The following TARS1 variants were observed in gnomAD, a reference collection of about 807,000 sequenced individuals.
TARS1 encodes the protein threonine--tRNA ligase 1, cytoplasmic.
In TARS1, 57 loss-of-function variants were observed where a neutral mutation model predicts 97.7. That is an observed-to-expected ratio of 0.58 (90% confidence interval 0.47 to 0.73). The LOEUF (loss-of-function observed/expected upper bound fraction) is 0.73, where lower values mean the gene tolerates loss of function less well. Among genes scored for constraint, TARS1 ranks in the 30% least tolerant of loss-of-function variants. The pLI is 0.00. For missense variants in TARS1, 806 were observed against 888.3 expected (o/e 0.91, Z 1.18); for synonymous variants, 312 against 293.7 (o/e 1.06, Z -0.64).
At chr5:33,457,031 T>A (rs1742049823) in intron 8 of TARS1, among the ~76,000 whole-genome samples, 1 of 152,110 alleles carries the variant, frequency 6.6e-6, no homozygotes, top group African/African-American at 2.4e-5. Flanking sequence ...ACTCCCAGGC[T>A]CAAGCAATCC....
At position 33,461,752 on chromosome 5, in the gene TARS1, C is replaced by CT. The variant is rs765575971; in HGVS notation, c.1629+9dup. The stretch of plus-strand genomic sequence containing the variant: ...GCTTTCTATGGCCCAAAGGTGAGCA[C>CT]TAAAGTACATTTGGGTAATATGATT... On this transcript the variant is annotated intron_variant, in intron 14 of 18. Coordinates refer to ENST00000265112, the MANE Select transcript of TARS1 (RefSeq NM_152295.5). 15 of 1,611,570 alleles carry CT rather than the reference C, an allele frequency of 9.3e-6. No homozygotes were observed. The South Asian group carries it at 1.7e-4, about 18-fold the overall frequency.
intron 16 of TARS1, among the ~76,000 whole-genome samples, chr5:33,462,836 T>C (rs1000121512): frequency 7.9e-5 from 12 of 152,070 alleles, no homozygotes; most frequent in African/African-American, 2.9e-4. Context: ...ATTAATCATA[T>C]TGATTTAAAA....
rs373086054 is a variant in TARS1, at chr5:33,445,335, T to C, written c.69T>C (p.Gly23=). The C allele has an allele frequency of 6.8e-6, 11 of 1,611,852 alleles. No homozygotes were observed. In the African/African-American group the frequency reaches 1.5e-4, roughly 22 times the overall value. The change falls in exon 2 of 19, where the codon GGT becomes GGC. Residue 23 remains glycine, a synonymous_variant. Coordinates refer to ENST00000265112, the MANE Select transcript of TARS1 (RefSeq NM_152295.5). The part of the protein sequence containing the change: ...MGGEEKPIGA[G]EEKQKEGGKK... ...TTTTGCTTATTTAGATTGGTGCTGG[T>C]GAAGAGAAGCAAAAGGAAGGAGGCA...
intron 3 of TARS1, 34 bp from the exon 4 acceptor site, chr5:33,453,255 T>G (rs1016459223): frequency 1.9e-6 from 3 of 1,551,294 alleles, no homozygotes; most frequent in Non-Finnish European, 2.6e-6. Flanking sequence ...TACTTATATA[T>G]GTGTGGACTT....
At chr5:33,466,732 A>G in intron 17 of TARS1, 139 bp from the exon 18 acceptor site, 2 of 512,978 alleles carry the variant, frequency 3.9e-6, no homozygotes, top group Non-Finnish European at 6.9e-6. Context: ...GAATAATATT[A>G]TCTAAGACAG....
chr5:33,452,511 T>A, intron 3 of TARS1: 1 of 1,133,500 alleles, frequency 8.8e-7, no homozygotes, highest in Non-Finnish European at 1.3e-6. Context: ...AGAACTCCTG[T>A]AGCTTTTACA....
chr5:33,460,491 G>T (rs906576289), intron 11 of TARS1, among the ~76,000 whole-genome samples: 2 of 152,198 alleles, frequency 1.3e-5, no homozygotes, highest in African/African-American at 4.8e-5. Context: ...TGAAAGTTGG[G>T]TGAAGAACAG....
chr5:33,440,709 A>AT (rs1409145987), upstream of TARS1: 2 of 433,190 alleles, frequency 4.6e-6, no homozygotes, highest in African/African-American at 4.0e-5. Flanking sequence ...ATTGTTCCAC[A>AT]TAAAGTCAGA....
chr5:33,456,250 C>A (rs1440972666), intron 8 of TARS1, 23 bp downstream of exon 8: 6 of 1,543,264 alleles, frequency 3.9e-6, no homozygotes, highest in Non-Finnish European at 5.4e-6. Context: ...ACTTTAAAGA[C>A]TGTGAATGTA....
chr5:33,459,592 A>G (rs1742193804), intron 10 of TARS1, 103 bp from the exon 11 acceptor site: 6 of 1,354,250 alleles, frequency 4.4e-6, no homozygotes, highest in African/African-American at 1.4e-5. Context: ...GCATGTGTCC[A>G]TCTTTTTCAT....
chr5:33,459,910 T>A, intron 11 of TARS1, 49 bp downstream of exon 11: 1 of 1,574,822 alleles, frequency 6.3e-7, no homozygotes, highest in South Asian at 1.2e-5. Flanking sequence ...ATGCTACAAT[T>A]CATCCTGGGT....
At chr5:33,446,275 A>G (rs944935690) in intron 2 of TARS1, 2 of 247,318 alleles carry the variant, frequency 8.1e-6, no homozygotes, top group Non-Finnish European at 8.2e-6. Flanking sequence ...CTACCTAACC[A>G]TTTATCTTAC....
chr5:33,449,005 AC>A (rs1451695846), intron 3 of TARS1, among the ~76,000 whole-genome samples: 1 of 152,148 alleles, frequency 6.6e-6, no homozygotes, highest in Non-Finnish European at 1.5e-5. Flanking sequence ...ATGTTACAAA[AC>A]CGACTAGACA....
chr5:33,467,466 T>G, intron 18 of TARS1, 94 bp from the exon 19 acceptor site: 4 of 1,433,734 alleles, frequency 2.8e-6, no homozygotes, highest in Non-Finnish European at 2.8e-6. Flanking sequence ...TGGGGTAGGT[T>G]TTGGGTCCTA....
rs1742147668 is a variant in TARS1 at position 33,458,676 on chromosome 5, T to A, written c.1083+12T>A. The A allele has an allele frequency of 6.3e-7, 1 of 1,587,120 alleles. No homozygotes were observed. Among genetic ancestry groups the A allele is most frequent in the Non-Finnish European group, 8.6e-7 (1 of 1,161,944 alleles). On this transcript the variant is annotated intron_variant, in intron 10 of 18. Transcript: ENST00000265112. ...TTGAATTCATTAGGGTAAGTCATAT[T>A]TATTGCTTTCTTCTTTAGATTTAGG...
At chr5:33,446,550 G>T in intron 2 of TARS1, 2 of 513,242 alleles carry the variant, frequency 3.9e-6, no homozygotes, top group Non-Finnish European at 7.1e-6. Flanking sequence ...TTTAACGATT[G>T]GTCTGGAAAA....
chr5:33,461,271 C>T lies in TARS1; in HGVS notation c.1527C>T (p.Ile509=), dbSNP rs376335480. 4.0e-5 allele frequency: 65 copies of T among 1,612,664 alleles called. No homozygotes were observed. The highest frequency in any genetic ancestry group is 4.1e-5 in the Non-Finnish European group (48 of 1,179,744). The part of the protein sequence containing the change: ...STRPEKFLGD[I]EVWDQAEKQL... ...GCCCGGAAAAATTCCTTGGAGATAT[C>T]GAAGTATGGGATCAAGCTGAGAAAG... The change falls in exon 13 of 19, where the codon ATC becomes ATT. Residue 509 remains isoleucine (I), a synonymous_variant. Coordinates refer to ENST00000265112, the MANE Select transcript of TARS1 (RefSeq NM_152295.5).
intron 1 of TARS1, 113 bp downstream of exon 1, chr5:33,441,256 G>A (rs1478858624): frequency 2.3e-6 from 3 of 1,303,812 alleles, no homozygotes; most frequent in African/African-American, 2.9e-5. Context: ...GACCGCGTGG[G>A]TCGGAGAAGT....
At chr5:33,450,116 G>T (rs1741659256) in intron 3 of TARS1, among the ~76,000 whole-genome samples, 1 of 152,156 alleles carries the variant, frequency 6.6e-6, no homozygotes, top group African/African-American at 2.4e-5. Flanking sequence ...TTTTGTGTGT[G>T]TGACTTGGAT....
Sources: gnomAD v4.1 joint callset for allele counts (sites outside exome capture counted in the v4.1 genomes callset) on GRCh38, gnomAD v4.1.1 for gene constraint, MANE v1.5 for transcripts, NCBI Gene and HGNC (gene_info 2026-07-23, HGNC 2026-07-21) for gene names.